The following PHRF1 variants were observed in gnomAD, a reference collection of about 807,000 sequenced individuals.
PHRF1 encodes PHD and ring finger domains 1.
In PHRF1, 53 loss-of-function variants were observed where a neutral mutation model predicts 128.9. The ratio of observed to expected loss-of-function variants is 0.41; its 90% CI spans 0.33 to 0.52. The LOEUF (loss-of-function observed/expected upper bound fraction) is 0.52, where lower values mean the gene tolerates loss of function less well. Ranked by LOEUF, PHRF1 falls within the 20% of genes least tolerant of loss-of-function variation. The pLI, the probability that PHRF1 is intolerant of heterozygous loss-of-function variation, is 0.21. For missense variants in PHRF1, 2,503 were observed against 2,284.5 expected, an observed-to-expected ratio of 1.10 and a Z score of -1.95; for synonymous variants, 1,178 against 980.6, an observed-to-expected ratio of 1.20 and a Z score of -3.76.
At position 598,517 on chromosome 11, in the gene PHRF1, A is replaced by T; in HGVS notation, c.1024+15A>T. 2 of 1,603,004 alleles carry T rather than the reference A, an allele frequency of 1.2e-6. No individual in the cohort carries two copies. Among genetic ancestry groups the T allele is most frequent in the Non-Finnish European group, 1.7e-6 (2 of 1,177,138 alleles). Reference sequence around the variant, plus strand: ...GAGGAAGACAAGTAAGCCTGAAGGGATGGACTCTCCCGCCAGCCACAGGCT... The same window carrying T: ...GAGGAAGACAAGTAAGCCTGAAGGGTTGGACTCTCCCGCCAGCCACAGGCT... On this transcript the variant is annotated intron_variant, in intron 9 of 17. Transcript: ENST00000264555.
In PHRF1 at chr11:580,020, T is replaced by C. The variant is rs571741380; in HGVS notation, c.-21-1472T>C. 2.0e-5 allele frequency among the ~76,000 whole-genome samples: 3 copies of C among 152,300 alleles called. No homozygotes were observed. The East Asian group carries it at 5.8e-4, about 29-fold the overall frequency. ...AGTGGTGGTGGGAGCTGAGCTCCAA[T>C]GCAAGGAGGCCCTGAACTCGAGGGC... On this transcript the variant is annotated intron_variant, in intron 1 of 17. Transcript: ENST00000264555.
rs1212904400 is a variant in PHRF1, at chr11:585,680, CT to C, written c.215-1561del. The stretch of plus-strand genomic sequence containing the variant: ...AGCTTGAGGTAGTAGCTCTTCAACT[CT>C]TTTTTTTTTTTTTTTTTGAGGTCGA... On this transcript the variant is annotated intron_variant, in intron 3 of 17. Coordinates refer to ENST00000264555, the MANE Select transcript of PHRF1 (RefSeq NM_001286581.2). Among the ~76,000 whole-genome samples, 23 of 70,354 alleles carry C rather than the reference CT, an allele frequency of 3.3e-4. 1 individual carries two copies. The highest frequency in any genetic ancestry group is 8.9e-4 in the African/African-American group (12 of 13,520). The allele number at this position is 70,354 out of a possible 152,430, so 46.2% of individuals were successfully genotyped here.
At position 608,192 on chromosome 11, in the gene PHRF1, G is replaced by C. The variant is rs1243699612; in HGVS notation, c.2736G>C (p.Glu912Asp). 3 of 1,609,672 alleles carry C rather than the reference G, an allele frequency of 1.9e-6. No homozygotes were observed. Among genetic ancestry groups the C allele is most frequent in the Non-Finnish European group, 2.5e-6 (3 of 1,179,828 alleles). Residue 912 changes from glutamate to aspartate, a missense_variant, in exon 14 of 18, where the codon GAG becomes GAC. By Grantham distance (45) the Glu-to-Asp change is conservative (BLOSUM62 2). Coordinates refer to ENST00000264555, the MANE Select transcript of PHRF1 (RefSeq NM_001286581.2). ...AGCTCCGGGGTGCAGTGGCTGCCGA[G>C]GGGGCCTCTGACACGGAGCGAGAGG... ...MSKLRGAVAAEGASDTEREEP... is the reference protein window; with the variant it reads ...MSKLRGAVAADGASDTEREEP...
Position 607,662 on chromosome 11 carries a change from A to C in PHRF1, c.2206A>C (p.Arg736=). ...ACGGGCAGAGAGCGAGGCCAGCAGC[A>C]GGGTGCCCCGGGAGCCCGGGGTGCA... ...GTRAESEASS[R]VPREPGVHTG... is the part of the protein sequence containing the mutation. The change falls in exon 14 of 18, where the codon AGG becomes CGG. Residue 736 remains arginine, a synonymous_variant. Coordinates refer to ENST00000264555, the MANE Select transcript of PHRF1 (RefSeq NM_001286581.2). 6.2e-7 allele frequency: 1 copy of C among 1,610,668 alleles called. No homozygotes were observed. Among genetic ancestry groups the C allele is most frequent in the Non-Finnish European group, 8.5e-7 (1 of 1,178,654 alleles).
At chr11:577,860 G>C (rs1176341506) in intron 1 of PHRF1, among the ~76,000 whole-genome samples, 1 of 152,202 alleles carries the variant, frequency 6.6e-6, no homozygotes. Flanking sequence ...CCAATGCATT[G>C]GTTCCCCTGA....
chr11:585,055 A>T (rs926777461), intron 3 of PHRF1, among the ~76,000 whole-genome samples: 1 of 152,178 alleles, frequency 6.6e-6, no homozygotes, highest in Non-Finnish European at 1.5e-5. Flanking sequence ...TTTTTTAAAC[A>T]TGAAGAAGTA....
intron 6 of PHRF1, among the ~76,000 whole-genome samples, chr11:595,165 A>T (rs1264927077): frequency 6.6e-6 from 1 of 152,200 alleles, no homozygotes; most frequent in Non-Finnish European, 1.5e-5. Flanking sequence ...TCTACTAAAA[A>T]TAAAAAAATT....
intron 13 of PHRF1, 32 bp from the exon 14 acceptor site, chr11:607,034 A>G: frequency 6.5e-7 from 1 of 1,533,214 alleles, no homozygotes. Context: ...AGTGGGTGGG[A>G]AATGATTGCC....
chr11:605,333 C>T (rs1589895260), intron 11 of PHRF1, 33 bp downstream of exon 11: 3 of 1,603,888 alleles, frequency 1.9e-6, no homozygotes, highest in Admixed American at 1.7e-5. Context: ...TGCCTGGGCA[C>T]CCGCTCCTCT....
intron 3 of PHRF1, among the ~76,000 whole-genome samples, chr11:584,125 G>A (rs142224276): frequency 6.6e-6 from 1 of 152,358 alleles, no homozygotes; most frequent in African/African-American, 2.4e-5. Context: ...TCCTTCCAGA[G>A]TTCGATGTTT....
At chr11:580,095 A>T (rs989800374) in intron 1 of PHRF1, among the ~76,000 whole-genome samples, 1 of 152,072 alleles carries the variant, frequency 6.6e-6, no homozygotes, top group Non-Finnish European at 1.5e-5. Flanking sequence ...CTTTCCTCTG[A>T]TCATGGATGG....
Position 607,279 on chromosome 11 carries a change from C to T in PHRF1, c.1823C>T (p.Pro608Leu). 6.2e-7 allele frequency: 1 copy of T among 1,612,696 alleles called. No homozygotes were observed. The highest frequency in any genetic ancestry group is 8.5e-7 in the Non-Finnish European group (1 of 1,179,886). ...APVRLDLPAA[P>L]GAVQARNLSN... ...GTGAGGCTGGACTTGCCAGCAGCCC[C>T]TGGGGCGGTTCAGGCTCGGAACTTG... The change falls in exon 14 of 18, where the codon CCT (proline) becomes CTT (leucine). Residue 608 changes from proline to leucine, a missense_variant. Pro to Leu is a moderately conservative substitution (Grantham distance 98, BLOSUM62 -3). Coordinates refer to ENST00000264555, the MANE Select transcript of PHRF1 (RefSeq NM_001286581.2).
chr11:606,722 C>A, intron 13 of PHRF1, 126 bp downstream of exon 13: 1 of 1,298,018 alleles, frequency 7.7e-7, no homozygotes, highest in Non-Finnish European at 1.0e-6. Context: ...ATTCCTCAGC[C>A]ATTTTTCTGC....
In PHRF1 at chr11:602,185, G is replaced by A. The variant is rs532209896; in HGVS notation, c.1152+484G>A. 7.2e-5 allele frequency among the ~76,000 whole-genome samples: 11 copies of A among 152,300 alleles called. No homozygotes were observed. In the East Asian group the frequency reaches 1.4e-3, roughly 19 times the overall value. ...CGGCCTCCTTGGTATACGTCGTGGC[G>A]TTTGTTGTCCTAGGCCCTTTCCATC... On this transcript the variant is annotated intron_variant, in intron 10 of 17. Coordinates refer to ENST00000264555, the MANE Select transcript of PHRF1 (RefSeq NM_001286581.2).
At chr11:601,271 TA>T (rs967330778) in intron 9 of PHRF1, among the ~76,000 whole-genome samples, 5 of 150,038 alleles carry the variant, frequency 3.3e-5, no homozygotes, top group African/African-American at 1.2e-4. Flanking sequence ...GCCCTATCTA[TA>T]AAAAAAATTA....
In PHRF1 at chr11:577,466, C is replaced by A. The variant is rs754168226; in HGVS notation, c.-22+874C>A. Among the ~76,000 whole-genome samples, 3 of 152,232 alleles carry A rather than the reference C, an allele frequency of 2.0e-5. No individual in the cohort carries two copies. The South Asian group carries it at 6.2e-4, about 32-fold the overall frequency. ...ACTTCGGGTTTGGCATAGTTGATCTCTCTCCTGGACCATCCGGTTTTCTTT... is the reference window on the plus strand; with the variant it reads ...ACTTCGGGTTTGGCATAGTTGATCTATCTCCTGGACCATCCGGTTTTCTTT... On this transcript the variant is annotated intron_variant, in intron 1 of 17. Transcript: ENST00000264555.
At position 610,576 on chromosome 11, in the gene PHRF1, A is replaced by T. The variant is rs754087270; in HGVS notation, c.4492A>T (p.Thr1498Ser). 18 of 1,606,130 alleles carry T rather than the reference A, an allele frequency of 1.1e-5. No individual in the cohort carries two copies. The highest frequency in any genetic ancestry group is 1.4e-5 in the Non-Finnish European group (17 of 1,179,720). ...ACCCTGCGCACTGGTCAGCCAGCCCACGGTCCAGTTCATCCTTCAGGGGAG... is the reference window on the plus strand; with the variant it reads ...ACCCTGCGCACTGGTCAGCCAGCCCTCGGTCCAGTTCATCCTTCAGGGGAG... Reference protein sequence around the residue: ...IPPCALVSQPTVQFILQGSLP... With the variant: ...IPPCALVSQPSVQFILQGSLP... The change falls in exon 16 of 18, where the codon ACG becomes TCG. Residue 1498 changes from threonine to serine, a missense_variant. Coordinates refer to ENST00000264555, the MANE Select transcript of PHRF1 (RefSeq NM_001286581.2).
chr11:577,074 C>G (rs968107537), intron 1 of PHRF1, among the ~76,000 whole-genome samples: 7 of 152,350 alleles, frequency 4.6e-5, no homozygotes, highest in African/African-American at 1.2e-4. Flanking sequence ...GTGTCCGGCC[C>G]CTGTGCATGG....
rs767491641 is a variant in PHRF1, at chr11:608,953, C to T, written c.3497C>T (p.Pro1166Leu). ...CGGAGGAAGCGGAGGTCCCGGTCCC[C>T]AAGCTCGGAGCACAGGGCACGGGAG... The part of the protein sequence containing the change: ...RDRRKRRSRS[P>L]SSEHRAREHR... Residue 1166 changes from proline to leucine, a missense_variant, in exon 14 of 18, where the codon CCA becomes CTA. Pro to Leu is a moderately conservative substitution (Grantham distance 98, BLOSUM62 -3). Transcript: ENST00000264555. 2.5e-6 allele frequency: 4 copies of T among 1,610,178 alleles called. No individual in the cohort carries two copies. Among genetic ancestry groups the T allele is most frequent in the Admixed American group, 1.7e-5 (1 of 59,744 alleles).
Sources: gnomAD v4.1 joint callset for allele counts (sites outside exome capture counted in the v4.1 genomes callset) on GRCh38, gnomAD v4.1.1 for gene constraint, MANE v1.5 for transcripts, NCBI Gene and HGNC (gene_info 2026-07-23, HGNC 2026-07-21) for gene names.